Variants in LIMCH1 observed in about 807,000 individuals in gnomAD.
LIMCH1 encodes the protein LIM and calponin homology domains 1.
In LIMCH1, 113 loss-of-function variants were observed where a neutral mutation model predicts 176.5. The observed-to-expected ratio is 0.64, with a 90% confidence interval of 0.55 to 0.75. The LOEUF is 0.75. Among genes scored for constraint, LIMCH1 ranks in the 30% least tolerant of loss-of-function variants. The pLI, the probability that LIMCH1 is intolerant of heterozygous loss-of-function variation, is 0.00. For missense variants in LIMCH1, 1,674 were observed against 1,814.9 expected (o/e 0.92, Z 1.41); for synonymous variants, 619 against 645.9 (o/e 0.96, Z 0.63).
Position 41,646,496 on chromosome 4 carries a change from A to G in LIMCH1, c.2423A>G (p.Glu808Gly). The change falls in exon 17 of 32, where the codon GAG (glutamate) becomes GGG (glycine). Residue 808 changes from glutamate (E) to glycine (G), a missense_variant. Physicochemically the swap from Glu to Gly is moderately conservative, Grantham distance 98. Transcript: ENST00000503057. ...REIVQEKERR[E>G]RELHEAYKNA... ...CCCATGTCCTTTAGAGAGCGGAGAG[A>G]GAGAGAGCTGCATGAAGCATATAAG... 6.2e-7 allele frequency: 1 copy of G among 1,613,028 alleles called. No homozygotes were observed. Among genetic ancestry groups the G allele is most frequent in the African/African-American group, 1.3e-5 (1 of 74,998 alleles).
At position 41,600,772 on chromosome 4, in the gene LIMCH1, A is replaced by G. The variant is rs542620855; in HGVS notation, c.-134+1746A>G. Among the ~76,000 whole-genome samples the G allele has an allele frequency of 2.0e-5, 3 of 152,248 alleles. No individual in the cohort carries two copies. The South Asian group carries it at 6.2e-4, about 32-fold the overall frequency. On this transcript the variant is annotated intron_variant, in intron 2 of 31. Coordinates refer to ENST00000503057, the MANE Select transcript of LIMCH1 (RefSeq NM_001330672.2). ...TGGGTCAAGCTTGCTCAGTGCAGAT[A>G]TGGGAAGATGGAACAACTGACTTGT...
chr4:41,627,108 G>T lies in LIMCH1; in HGVS notation c.1028+98G>T, dbSNP rs2093015679. The T allele has an allele frequency of 1.1e-5, 16 of 1,414,866 alleles. No individual in the cohort carries two copies. In the East Asian group the frequency reaches 4.0e-4, roughly 35 times the overall value. 87.6% of individuals were successfully genotyped at this position (1,414,866 alleles called of 1,614,324 possible). A position where few individuals can be genotyped will look rare whatever the true frequency, so the allele number is the denominator to read the frequency against. ...TAATTAAGTGAAGTCAGTTTGTATTGTACCCCCTCCAGTTCCTCTTTCCAG... is the reference window on the plus strand; with the variant it reads ...TAATTAAGTGAAGTCAGTTTGTATTTTACCCCCTCCAGTTCCTCTTTCCAG... On this transcript the variant is annotated intron_variant, in intron 8 of 31. Coordinates refer to ENST00000503057, the MANE Select transcript of LIMCH1 (RefSeq NM_001330672.2).
At chr4:41,514,123 T>G (rs890856543) in intron 2 of LIMCH1, among the ~76,000 whole-genome samples, 5 of 150,848 alleles carry the variant, frequency 3.3e-5, no homozygotes, top group African/African-American at 1.2e-4. Flanking sequence ...ATGTTTTGAG[T>G]CCTTCCCAAT....
At chr4:41,635,663 T>C (rs1327221974) in intron 13 of LIMCH1, among the ~76,000 whole-genome samples, 1 of 152,264 alleles carries the variant, frequency 6.6e-6, no homozygotes, top group East Asian at 1.9e-4. Context: ...ACTGTCGGTA[T>C]GCACATTTCC....
At chr4:41,609,440 A>C (rs1333520560) in intron 4 of LIMCH1, among the ~76,000 whole-genome samples, 1 of 152,174 alleles carries the variant, frequency 6.6e-6, no homozygotes, top group Non-Finnish European at 1.5e-5. Flanking sequence ...AACAGCTTCC[A>C]CAACCAGAGG....
intron 28 of LIMCH1, 66 bp from the exon 29 acceptor site, chr4:41,687,774 C>CT: frequency 3.1e-6 from 3 of 964,362 alleles, no homozygotes; most frequent in Non-Finnish European, 4.8e-6. Context: ...TCTAAAATGT[C>CT]TTTTTTTAAT....
At chr4:41,685,288 A>G (rs1205924662) in intron 27 of LIMCH1, among the ~76,000 whole-genome samples, 3 of 152,034 alleles carry the variant, frequency 2.0e-5, no homozygotes, top group Admixed American at 6.6e-5. Context: ...CCAAATGGAG[A>G]TATCCTGCAA....
chr4:41,637,556 G>A (rs1331523217), intron 13 of LIMCH1, among the ~76,000 whole-genome samples: 1 of 152,214 alleles, frequency 6.6e-6, no homozygotes, highest in Non-Finnish European at 1.5e-5. Context: ...TGAAAATTGA[G>A]AATATTAGGT....
At chr4:41,489,685 A>C (rs1232867695) in intron 1 of LIMCH1, among the ~76,000 whole-genome samples, 1 of 151,586 alleles carries the variant, frequency 6.6e-6, no homozygotes, top group Non-Finnish European at 1.5e-5. Flanking sequence ...TTTATTTTTT[A>C]AATTTATGTA....
At position 41,689,387 on chromosome 4, in the gene LIMCH1, G is replaced by T. The variant is rs182807490; in HGVS notation, c.4167-140G>T. The T allele has an allele frequency of 1.3e-5, 7 of 549,874 alleles. No homozygotes were observed. In the South Asian group the frequency reaches 1.5e-4, roughly 12 times the overall value. 34.1% of individuals were successfully genotyped at this position (549,874 alleles called of 1,614,324 possible). On this transcript the variant is annotated intron_variant, in intron 29 of 31. Transcript: ENST00000503057. ...ATGTTTAATCTCCTATTCATCATCAGTTCTGTCATTCTCATTTCATTCATG... is the reference window on the plus strand; with the variant it reads ...ATGTTTAATCTCCTATTCATCATCATTTCTGTCATTCTCATTTCATTCATG...
intron 1 of LIMCH1, among the ~76,000 whole-genome samples, chr4:41,460,458 C>CCATATA (rs1554057132): frequency 9.0e-6 from 1 of 110,546 alleles, no homozygotes; most frequent in Admixed American, 8.7e-5. Context: ...TAGTAATCAT[C>CCATATA]TATATATATA....
At chr4:41,460,395 C>T (rs4507392) in intron 1 of LIMCH1, among the ~76,000 whole-genome samples, 29,287 of 144,954 alleles carry the variant, frequency 0.2, 3,484 homozygotes, top group South Asian at 0.37. Flanking sequence ...CTATATTACA[C>T]GTTGGCCTTG....
intron 1 of LIMCH1, among the ~76,000 whole-genome samples, chr4:41,408,068 C>T (rs1431966827): frequency 6.6e-6 from 1 of 152,048 alleles, no homozygotes; most frequent in African/African-American, 2.4e-5. Flanking sequence ...ATACCTTGTC[C>T]ATAGTTAGTG....
At chr4:41,462,870 A>G (rs2065577388) in intron 1 of LIMCH1, among the ~76,000 whole-genome samples, 1 of 152,120 alleles carries the variant, frequency 6.6e-6, no homozygotes. Context: ...GGAAATTTAA[A>G]ATAGACCTTT....
In LIMCH1 at chr4:41,383,000, A is replaced by G. The variant is rs540850571; in HGVS notation, c.96+22064A>G. ...GAGGTGAGGTCTTGCCACATTGGCC[A>G]GGCTGGTCTTGAGCTCCTGGGCTCA... On this transcript the variant is annotated intron_variant, in intron 1 of 26. Transcript: ENST00000313860. 3.9e-5 allele frequency among the ~76,000 whole-genome samples: 6 copies of G among 152,326 alleles called. No individual in the cohort carries two copies. In the East Asian group the frequency reaches 9.7e-4, roughly 25 times the overall value.
chr4:41,437,977 A>G (rs917469646), intron 1 of LIMCH1, among the ~76,000 whole-genome samples: 1 of 152,234 alleles, frequency 6.6e-6, no homozygotes, highest in Non-Finnish European at 1.5e-5. Context: ...TATCCATTCC[A>G]TGATGCACTG....
intron 17 of LIMCH1, among the ~76,000 whole-genome samples, chr4:41,647,658 A>G (rs1359361332): frequency 6.6e-6 from 1 of 152,230 alleles, no homozygotes; most frequent in Non-Finnish European, 1.5e-5. Context: ...TGAGTTTGTA[A>G]TAAACAGAGG....
intron 7 of LIMCH1, among the ~76,000 whole-genome samples, chr4:41,625,011 A>G (rs1208250720): frequency 6.6e-6 from 1 of 152,126 alleles, no homozygotes; most frequent in African/African-American, 2.4e-5. Flanking sequence ...CTGTGCCCCC[A>G]AAGCAACTCC....
upstream of LIMCH1, among the ~76,000 whole-genome samples, chr4:41,537,294 C>T (rs2078056106): frequency 6.6e-6 from 1 of 152,202 alleles, no homozygotes; most frequent in African/African-American, 2.4e-5. Flanking sequence ...TAACTCCGCA[C>T]ACGATGCTTC....
Sources: gnomAD v4.1 joint callset for allele counts (sites outside exome capture counted in the v4.1 genomes callset) on GRCh38, gnomAD v4.1.1 for gene constraint, MANE v1.5 for transcripts, NCBI Gene and HGNC (gene_info 2026-07-23, HGNC 2026-07-21) for gene names.